The following STAG1 variants were observed in gnomAD, a reference collection of about 807,000 sequenced individuals.
The protein encoded by STAG1 is STAG1 cohesin complex component.
Under a neutral mutation model 170.9 loss-of-function variants are expected in STAG1, and 26 were observed. That is an observed-to-expected ratio of 0.15 (90% CI 0.11 to 0.21). The LOEUF (loss-of-function observed/expected upper bound fraction) is 0.21. Ranked by LOEUF, STAG1 falls within the 10% of genes least tolerant of loss-of-function variation. STAG1 has a pLI of 1.00. For missense variants in STAG1, 964 were observed against 1,509.5 expected (o/e 0.64, Z 5.99); for synonymous variants, 514 against 497.7 (o/e 1.03, Z -0.44).
chr3:136,563,075 T>G (rs2107754028), intron 5 of STAG1, among the ~76,000 whole-genome samples: 1 of 152,340 alleles, frequency 6.6e-6, no homozygotes, highest in East Asian at 1.9e-4. Context: ...ATGATAGCAA[T>G]TAGCTCCGTA....
rs1217737940 is a variant in STAG1, at chr3:136,566,088, T to C, written c.394+2677A>G. Reference sequence around the variant, plus strand: ...TTTTCCTGGGGAGATTTTTAAAGTTTTGAGAAAAGAGAGAGGTGGTAACTG... The same window carrying C: ...TTTTCCTGGGGAGATTTTTAAAGTTCTGAGAAAAGAGAGAGGTGGTAACTG... On this transcript the variant is annotated intron_variant, in intron 5 of 33. Coordinates refer to ENST00000383202, the MANE Select transcript of STAG1 (RefSeq NM_005862.3). 3.9e-5 allele frequency among the ~76,000 whole-genome samples: 6 copies of C among 152,088 alleles called. 1 individual carries two copies. The highest frequency in any genetic ancestry group is 7.2e-5 in the African/African-American group (3 of 41,410).
chr3:136,736,617 T>C, intron 1 of STAG1: 1 of 1,597,940 alleles, frequency 6.3e-7, no homozygotes. Context: ...TCGACTTTCC[T>C]CAAAGTTTTT....
intron 1 of STAG1, among the ~76,000 whole-genome samples, chr3:136,734,482 T>C (rs1186394500): frequency 1.3e-5 from 2 of 152,202 alleles, no homozygotes; most frequent in Non-Finnish European, 2.9e-5. Flanking sequence ...TATTTAACTA[T>C]TCATGTTATC....
chr3:136,350,890 C>G (rs903222527), intron 28 of STAG1, among the ~76,000 whole-genome samples: 1 of 152,046 alleles, frequency 6.6e-6, no homozygotes, highest in African/African-American at 2.4e-5. Flanking sequence ...CAAATGACAG[C>G]GCAAAACAGC....
At chr3:136,490,320 A>T (rs1218468122) in intron 9 of STAG1, among the ~76,000 whole-genome samples, 1 of 152,104 alleles carries the variant, frequency 6.6e-6, no homozygotes, top group Non-Finnish European at 1.5e-5. Context: ...GAGCTACCGC[A>T]CCCGACTGCT....
intron 12 of STAG1, 142 bp downstream of exon 12, chr3:136,472,271 T>C: frequency 2.0e-6 from 1 of 492,890 alleles, no homozygotes; most frequent in African/African-American, 2.0e-5. Flanking sequence ...AAACACTTTT[T>C]AAATCTAACG....
chr3:136,473,736 T>C (rs2089678866), intron 10 of STAG1, 99 bp from the exon 11 acceptor site: 2 of 811,758 alleles, frequency 2.5e-6, no homozygotes, highest in African/African-American at 3.4e-5. Flanking sequence ...ACATTTGACT[T>C]ACTGCATATT....
At chr3:136,567,224 GAT>G (rs1228025368) in intron 5 of STAG1, among the ~76,000 whole-genome samples, 2 of 152,184 alleles carry the variant, frequency 1.3e-5, no homozygotes, top group Non-Finnish European at 2.9e-5. Flanking sequence ...CAGGTCTGTT[GAT>G]TAATAGGACT....
At chr3:136,475,928 G>A (rs1295411916) in intron 10 of STAG1, among the ~76,000 whole-genome samples, 1 of 152,128 alleles carries the variant, frequency 6.6e-6, no homozygotes, top group Non-Finnish European at 1.5e-5. Context: ...TAAAGACCAG[G>A]CCTAGCACTA....
chr3:136,464,393 A>C (rs1368661986), intron 13 of STAG1, among the ~76,000 whole-genome samples: 1 of 151,928 alleles, frequency 6.6e-6, no homozygotes, highest in Non-Finnish European at 1.5e-5. Flanking sequence ...ATTGTACTGT[A>C]GTCTGGGCAA....
At chr3:136,697,571 G>A (rs1348439927) in intron 1 of STAG1, among the ~76,000 whole-genome samples, 1 of 152,122 alleles carries the variant, frequency 6.6e-6, no homozygotes, top group Non-Finnish European at 1.5e-5. Flanking sequence ...GAAAATCTTG[G>A]GAGGGCACCA....
chr3:136,607,682 C>A (rs1004623763), intron 3 of STAG1, among the ~76,000 whole-genome samples: 2 of 152,194 alleles, frequency 1.3e-5, no homozygotes, highest in Non-Finnish European at 2.9e-5. Flanking sequence ...GGATTACAGG[C>A]GTGAGCCACC....
intron 11 of STAG1, among the ~76,000 whole-genome samples, chr3:136,472,781 G>A (rs1008805394): frequency 5.9e-5 from 9 of 152,160 alleles, no homozygotes; most frequent in Non-Finnish European, 1.0e-4. Context: ...AAAATTTTAA[G>A]CAGGTAAGCC....
rs572499391 is a variant in STAG1 at position 136,680,523 on chromosome 3, G to A, written c.-83-49542C>T. Among the ~76,000 whole-genome samples the A allele has an allele frequency of 1.4e-4, 22 of 152,082 alleles. No individual in the cohort carries two copies. The East Asian group carries it at 3.9e-3, about 27-fold the overall frequency. On this transcript the variant is annotated intron_variant, in intron 1 of 33. Coordinates refer to ENST00000383202, the MANE Select transcript of STAG1 (RefSeq NM_005862.3). Reference sequence around the variant, plus strand: ...TTACAAGAATTTTTGGGAGGCACAGGGGCAGGGATTAGGGAAGGGATACAA... The same window carrying A: ...TTACAAGAATTTTTGGGAGGCACAGAGGCAGGGATTAGGGAAGGGATACAA...
intron 2 of STAG1, among the ~76,000 whole-genome samples, chr3:136,625,913 C>T (rs780503327): frequency 1.9e-4 from 29 of 152,138 alleles, no homozygotes; most frequent in Non-Finnish European, 3.4e-4. Context: ...TAAGACTGGG[C>T]GCAGTGGCTC....
chr3:136,587,432 C>T (rs919621782), intron 4 of STAG1, among the ~76,000 whole-genome samples: 10 of 147,386 alleles, frequency 6.8e-5, no homozygotes, highest in Admixed American at 4.9e-4. Context: ...CCCAGCTACT[C>T]GGGAGGCTGA....
At chr3:136,674,165 GGGAGGGAA>G (rs1377152019) in intron 1 of STAG1, among the ~76,000 whole-genome samples, 1 of 45,384 alleles carries the variant, frequency 2.2e-5, no homozygotes, top group Non-Finnish European at 5.2e-5. Flanking sequence ...GAGGGAGGGA[GGGAGGGAA>G]GGAGGGAGGG....
At chr3:136,340,269 C>A (rs878983863) in intron 32 of STAG1, among the ~76,000 whole-genome samples, 1 of 152,036 alleles carries the variant, frequency 6.6e-6, no homozygotes, top group Admixed American at 6.5e-5. Context: ...ATTACGGGCA[C>A]GTGCCACCAC....
chr3:136,343,060 ACT>A (rs1312695885), intron 30 of STAG1, among the ~76,000 whole-genome samples: 5 of 152,212 alleles, frequency 3.3e-5, no homozygotes, highest in Non-Finnish European at 7.3e-5. Context: ...TACTTCTAAC[ACT>A]GTCTCTATTT....
Sources: allele counts gnomAD v4.1 joint callset (sites outside exome capture counted in the v4.1 genomes callset), GRCh38; gene constraint gnomAD v4.1.1; transcripts MANE v1.5; gene names NCBI Gene and HGNC (gene_info 2026-07-23, HGNC 2026-07-21).